POLR3C: variants seen among roughly 807,000 people sequenced by gnomAD.
POLR3C encodes the protein RNA polymerase III subunit C.
In POLR3C, 44 loss-of-function variants were observed where a neutral mutation model predicts 65.9. The ratio of observed to expected loss-of-function variants is 0.67; its 90% CI spans 0.52 to 0.86. POLR3C has a LOEUF of 0.86. Ranked by LOEUF, POLR3C falls within the 40% of genes least tolerant of loss-of-function variation. The pLI, the probability that POLR3C is intolerant of heterozygous loss-of-function variation, is 0.00. For missense variants in POLR3C, 576 were observed against 653.2 expected (o/e 0.88, Z 1.29); for synonymous variants, 263 against 231.6 (o/e 1.14, Z -1.23).
At chr1:145,824,609 T>A in intron 1 of POLR3C, 1 of 949,882 alleles carries the variant, frequency 1.1e-6, no homozygotes, top group South Asian at 1.4e-5. Flanking sequence ...TCTTAGGAAT[T>A]GGAAGAAATA....
At chr1:145,829,688 G>T (rs1038850402) in intron 5 of POLR3C, among the ~76,000 whole-genome samples, 9 of 152,102 alleles carry the variant, frequency 5.9e-5, no homozygotes, top group African/African-American at 2.2e-4. Context: ...CCTCTGCCCC[G>T]TCTCCATCTT....
Position 145,842,225 on chromosome 1 carries a change from A to G in POLR3C, c.1524-114A>G. 6.2e-6 allele frequency: 4 copies of G among 649,340 alleles called. No individual in the cohort carries two copies. In the South Asian group the frequency reaches 7.3e-5, roughly 12 times the overall value. 40.2% of individuals were successfully genotyped at this position (649,340 alleles called of 1,614,324 possible). On this transcript the variant is annotated intron_variant, in intron 14 of 14. Coordinates refer to ENST00000334163, the MANE Select transcript of POLR3C (RefSeq NM_006468.8). Reference sequence around the variant, plus strand: ...CTACTGGTTCTCCTGCTTTCTTTCCATCCACTCTCAAGGGTAACCAAGCAG... The same window carrying G: ...CTACTGGTTCTCCTGCTTTCTTTCCGTCCACTCTCAAGGGTAACCAAGCAG...
At chr1:145,825,050 T>A (rs1160968894) in intron 1 of POLR3C, among the ~76,000 whole-genome samples, 2 of 152,118 alleles carry the variant, frequency 1.3e-5, no homozygotes, top group Middle Eastern at 3.2e-3. Context: ...TTACAATAAT[T>A]GAATTTTTAT....
At chr1:145,841,228 CAAT>C (rs1464485811) in intron 14 of POLR3C, among the ~76,000 whole-genome samples, 157 bp downstream of exon 14, 1 of 152,216 alleles carries the variant, frequency 6.6e-6, no homozygotes, top group African/African-American at 2.4e-5. Context: ...TGTAAACTAG[CAAT>C]TCTGAAGATG....
chr1:145,826,997 G>C lies in POLR3C; in HGVS notation c.581G>C (p.Ser194Thr), dbSNP rs782569393. ...GACATGTACCTGGTTCCTAAACTCA[G>C]CTTGATAGGTAAGGAATTTTAACCC... ...EKDMYLVPKL[S>T]LIGKGKRRRS... Residue 194 changes from serine to threonine, a missense_variant, in exon 4 of 15, where the codon AGC (serine) becomes ACC (threonine). Coordinates refer to ENST00000334163, the MANE Select transcript of POLR3C (RefSeq NM_006468.8). 4 of 1,607,098 alleles carry C rather than the reference G, an allele frequency of 2.5e-6. No homozygotes were observed. Among genetic ancestry groups the C allele is most frequent in the Non-Finnish European group, 3.4e-6 (4 of 1,177,778 alleles).
In POLR3C at chr1:145,839,099, T is replaced by C. The variant is rs183417861; in HGVS notation, c.1222-791T>C. On this transcript the variant is annotated intron_variant, in intron 11 of 14. Transcript: ENST00000334163. ...TAGCCTGGCCAACCTGGTGAAACCC[T>C]GTCTCTACTAAAAATACAAAAATTA... Among the ~76,000 whole-genome samples the C allele has an allele frequency of 9.1e-4, 138 of 152,192 alleles. 2 individuals are homozygous for C. The highest frequency in any genetic ancestry group is 3.2e-3 in the African/African-American group (131 of 41,534).
rs782468183 is a variant in POLR3C, at chr1:145,838,182, C to G, written c.1197C>G (p.Leu399=). 1.8e-5 allele frequency: 29 copies of G among 1,613,580 alleles called. No individual in the cohort carries two copies. Among genetic ancestry groups the G allele is most frequent in the Non-Finnish European group, 2.3e-5 (27 of 1,179,616 alleles). Reference sequence around the variant, plus strand: ...CAAAGGATATGCTATATAAGATGCTCTCAGAAAATTTCATGTCACTCCAGG... The same window carrying G: ...CAAAGGATATGCTATATAAGATGCTGTCAGAAAATTTCATGTCACTCCAGG... The part of the protein sequence containing the change: ...KEAKDMLYKM[L]SENFMSLQEI... The change falls in exon 11 of 15, where the codon CTC becomes CTG. Residue 399 remains leucine (L), a synonymous_variant. Transcript: ENST00000334163.
intron 4 of POLR3C, among the ~76,000 whole-genome samples, 180 bp from the exon 5 acceptor site, chr1:145,828,569 T>C (rs1018353549): frequency 6.6e-6 from 1 of 152,164 alleles, no homozygotes; most frequent in Non-Finnish European, 1.5e-5. Context: ...TTTGAACATG[T>C]TGAGTTTCAG....
chr1:145,831,371 C>T (rs949078916), intron 5 of POLR3C, among the ~76,000 whole-genome samples: 6 of 152,004 alleles, frequency 3.9e-5, no homozygotes, highest in African/African-American at 4.8e-5. Flanking sequence ...AAAAATTAGC[C>T]ATGCATGGTG....
At chr1:145,840,343 C>T (rs1359735355) in intron 13 of POLR3C, 178 bp downstream of exon 13, 5 of 565,100 alleles carry the variant, frequency 8.8e-6, no homozygotes, top group Non-Finnish European at 1.6e-5. Context: ...AGTTTGAGAC[C>T]AACCTGGCCA....
intron 9 of POLR3C, 49 bp downstream of exon 9, chr1:145,836,915 T>A (rs782013819): frequency 1.1e-6 from 1 of 908,340 alleles, no homozygotes; most frequent in South Asian, 1.4e-5. Flanking sequence ...GACCTATAAA[T>A]CAGAATGGTG....
chr1:145,837,946 C>T (rs1242494128), intron 10 of POLR3C, 110 bp from the exon 11 acceptor site: 1 of 954,168 alleles, frequency 1.0e-6, no homozygotes, highest in Non-Finnish European at 1.6e-6. Flanking sequence ...GATCACTGTT[C>T]CTGTCTGGTA....
chr1:145,828,065 T>A (rs1570723524), intron 4 of POLR3C, among the ~76,000 whole-genome samples: 1 of 152,178 alleles, frequency 6.6e-6, no homozygotes, highest in Admixed American at 6.5e-5. Context: ...AGGAAAAGCA[T>A]TTTTGGCAGA....
intron 5 of POLR3C, among the ~76,000 whole-genome samples, chr1:145,829,192 C>T (rs1005547398): frequency 2.0e-5 from 3 of 152,114 alleles, no homozygotes; most frequent in Non-Finnish European, 2.9e-5. Context: ...CTTAGCGTAC[C>T]TATAAAGATG....
intron 5 of POLR3C, among the ~76,000 whole-genome samples, chr1:145,831,312 C>T (rs1177403581): frequency 6.6e-6 from 1 of 151,568 alleles, no homozygotes; most frequent in Non-Finnish European, 1.5e-5. Flanking sequence ...GTCAGGAGTT[C>T]GAGACCAGCC....
chr1:145,835,271 C>G (rs1277497273), intron 7 of POLR3C, among the ~76,000 whole-genome samples: 2 of 151,256 alleles, frequency 1.3e-5, no homozygotes, highest in Non-Finnish European at 2.9e-5. Flanking sequence ...ATGGTGAAAC[C>G]TCATCTCTAC....
In POLR3C at chr1:145,827,015, T is replaced by C. The variant is rs782102197; in HGVS notation, c.589+10T>C. 1.3e-6 allele frequency: 2 copies of C among 1,593,216 alleles called. No individual in the cohort carries two copies. The highest frequency in any genetic ancestry group is 8.6e-7 in the Non-Finnish European group (1 of 1,166,502). ...AAACTCAGCTTGATAGGTAAGGAAT[T>C]TTAACCCCTGGAACTGTGACTTGCC... On this transcript the variant is annotated intron_variant, in intron 4 of 14. Transcript: ENST00000334163.
intron 4 of POLR3C, among the ~76,000 whole-genome samples, chr1:145,827,575 C>G (rs186961585): frequency 6.6e-6 from 1 of 151,654 alleles, no homozygotes; most frequent in Non-Finnish European, 1.5e-5. Flanking sequence ...CTGGCTAATA[C>G]CGGGAAACCC....
Position 145,826,835 on chromosome 1 carries a change from A to G in POLR3C, c.419A>G (p.Asp140Gly). The change falls in exon 4 of 15, where the codon GAC becomes GGC. Residue 140 changes from aspartate to glycine, a missense_variant. Physicochemically the swap from Asp to Gly is moderately conservative, Grantham distance 94 (BLOSUM62 -1). Transcript: ENST00000334163. Reference protein sequence around the residue: ...TETMEDGKTMDYAEVSNTFVR... With the variant: ...TETMEDGKTMGYAEVSNTFVR... ...TGTTATACAGATGGCAAGACCATGG[A>G]CTATGCTGAAGTATCAAACACATTT... is the stretch of plus-strand genomic sequence containing the variant. 6.2e-7 allele frequency: 1 copy of G among 1,610,286 alleles called. No homozygotes were observed. The highest frequency in any genetic ancestry group is 8.5e-7 in the Non-Finnish European group (1 of 1,177,566).
Sources: gnomAD v4.1 joint callset for allele counts (sites outside exome capture counted in the v4.1 genomes callset) on GRCh38, gnomAD v4.1.1 for gene constraint, MANE v1.5 for transcripts, NCBI Gene and HGNC (gene_info 2026-07-23, HGNC 2026-07-21) for gene names.